Variants in KALRN observed in about 807,000 individuals in gnomAD.
KALRN encodes kalirin.
Under a neutral mutation model 353.7 loss-of-function variants are expected in KALRN, and 70 were observed. The ratio of observed to expected loss-of-function variants is 0.20; its 90% CI spans 0.16 to 0.24. The LOEUF (loss-of-function observed/expected upper bound fraction) is 0.24. Among genes scored for constraint, KALRN ranks in the 10% least tolerant of loss-of-function variants. KALRN has a pLI of 1.00. For missense variants in KALRN, 2,791 were observed against 3,756.7 expected, an observed-to-expected ratio of 0.74 and a Z score of 6.72; for synonymous variants, 1,391 against 1,434.8, an observed-to-expected ratio of 0.97 and a Z score of 0.69.
intron 6 of KALRN, among the ~76,000 whole-genome samples, chr3:124,300,995 T>C (rs2077223144): frequency 6.6e-6 from 1 of 152,228 alleles, no homozygotes; most frequent in African/African-American, 2.4e-5. Flanking sequence ...TTTGTGTGCC[T>C]TGTGGATTTT....
chr3:124,440,141 G>C (rs752439232), intron 18 of KALRN, among the ~76,000 whole-genome samples: 7 of 151,954 alleles, frequency 4.6e-5, no homozygotes, highest in Admixed American at 2.0e-4. Flanking sequence ...GCTCTTACTA[G>C]TAAGACTAAA....
At chr3:124,220,243 G>A (rs780628240) in intron 1 of KALRN, among the ~76,000 whole-genome samples, 4 of 152,226 alleles carry the variant, frequency 2.6e-5, no homozygotes, top group South Asian at 2.1e-4. Flanking sequence ...GAGACCGGCC[G>A]GTGGTAGCTG....
At chr3:124,257,483 G>A (rs1867525) in intron 3 of KALRN, among the ~76,000 whole-genome samples, 128,541 of 152,298 alleles carry the variant, frequency 0.84, 55,377 homozygotes, top group East Asian at 0.97. Flanking sequence ...AAGTGAAAAC[G>A]GCCCCAGTGG....
At chr3:124,244,817 A>G (rs1178346239) in intron 3 of KALRN, among the ~76,000 whole-genome samples, 1 of 152,024 alleles carries the variant, frequency 6.6e-6, no homozygotes, top group African/African-American at 2.4e-5. Context: ...TGTAGCAATC[A>G]TGGGCTTTTT....
intron 43 of KALRN, among the ~76,000 whole-genome samples, chr3:124,660,679 T>G (rs1284396647): frequency 2.4e-5 from 1 of 41,392 alleles, no homozygotes; most frequent in East Asian, 6.1e-4. Context: ...AGACTATGTC[T>G]CAAAAAAAAA....
chr3:124,430,274 A>G (rs2093210643), intron 15 of KALRN, among the ~76,000 whole-genome samples: 1 of 152,170 alleles, frequency 6.6e-6, no homozygotes, highest in Admixed American at 6.5e-5. Context: ...TGTTATTTGA[A>G]CTGGACCTTA....
At chr3:124,488,154 G>A (rs1415204156) in intron 28 of KALRN, 50 bp from the exon 29 acceptor site, 1 of 1,123,856 alleles carries the variant, frequency 8.9e-7, no homozygotes, top group Non-Finnish European at 1.3e-6. Context: ...GGTGGTGGGA[G>A]GAAGCTGGGG....
At chr3:124,140,204 A>G (rs909623108) in intron 1 of KALRN, among the ~76,000 whole-genome samples, 2 of 152,164 alleles carry the variant, frequency 1.3e-5, no homozygotes, top group Non-Finnish European at 2.9e-5. Context: ...CCTCCTCTCC[A>G]AAGCATTAAA....
intron 57 of KALRN, among the ~76,000 whole-genome samples, chr3:124,703,002 G>T (rs1437362605): frequency 6.6e-6 from 1 of 152,080 alleles, no homozygotes; most frequent in Non-Finnish European, 1.5e-5. Context: ...AGGGAATGTA[G>T]GTAGATCTTA....
intron 6 of KALRN, among the ~76,000 whole-genome samples, chr3:124,321,390 C>G (rs953744762): frequency 3.9e-5 from 6 of 152,316 alleles, no homozygotes; most frequent in African/African-American, 1.4e-4. Context: ...CAGTATACCA[C>G]ATAAGAAATC....
intron 1 of KALRN, among the ~76,000 whole-genome samples, chr3:124,141,844 TTCCTATTAAA>T (rs1560062128): frequency 6.6e-6 from 1 of 152,148 alleles, no homozygotes; most frequent in Non-Finnish European, 1.5e-5. Flanking sequence ...GCACCCCTTT[TTCCTATTAAA>T]TCTCAGCATC....
intron 33 of KALRN, among the ~76,000 whole-genome samples, chr3:124,559,024 T>C (rs1044989850): frequency 1.3e-5 from 2 of 152,264 alleles, no homozygotes; most frequent in African/African-American, 2.4e-5. Context: ...ATATTAATCA[T>C]GTAAAAATAG....
intron 1 of KALRN, among the ~76,000 whole-genome samples, chr3:124,118,752 G>A (rs2063698014): frequency 6.6e-6 from 1 of 152,170 alleles, no homozygotes; most frequent in South Asian, 2.1e-4. Flanking sequence ...TTATATACCA[G>A]ATTTGTTCCA....
At chr3:124,311,683 T>C (rs191892610) in intron 6 of KALRN, among the ~76,000 whole-genome samples, 93 of 152,298 alleles carry the variant, frequency 6.1e-4, no homozygotes, top group African/African-American at 1.7e-3. Flanking sequence ...AAAATGTCCA[T>C]ACATTGTACA....
intron 1 of KALRN, among the ~76,000 whole-genome samples, chr3:124,192,506 A>G (rs1468989994): frequency 6.6e-6 from 1 of 152,182 alleles, no homozygotes; most frequent in East Asian, 1.9e-4. Context: ...TCAATTGTAC[A>G]TTTTAAAATA....
chr3:124,451,275 T>C (rs887334183), intron 21 of KALRN, among the ~76,000 whole-genome samples: 1 of 145,480 alleles, frequency 6.9e-6, no homozygotes, highest in African/African-American at 2.6e-5. Flanking sequence ...AAAGAGAGAG[T>C]GGGGAGGGAA....
chr3:124,561,864 T>C (rs992809375), intron 33 of KALRN, among the ~76,000 whole-genome samples: 2 of 152,220 alleles, frequency 1.3e-5, no homozygotes, highest in Non-Finnish European at 1.5e-5. Context: ...AGACTGTACT[T>C]AGTTCTATGA....
intron 1 of KALRN, among the ~76,000 whole-genome samples, chr3:124,186,768 T>A (rs966557765): frequency 6.6e-6 from 1 of 152,212 alleles, no homozygotes; most frequent in African/African-American, 2.4e-5. Context: ...ACAGTCCAAA[T>A]TTCAACCATT....
intron 9 of KALRN, among the ~76,000 whole-genome samples, chr3:124,336,006 A>G (rs746022529): frequency 1.3e-5 from 2 of 152,136 alleles, no homozygotes; most frequent in East Asian, 3.9e-4. Flanking sequence ...TGAAGTGGTC[A>G]GGCAGAGTGG....
Sources: allele counts gnomAD v4.1 joint callset (sites outside exome capture counted in the v4.1 genomes callset), GRCh38; gene constraint gnomAD v4.1.1; transcripts MANE v1.5; gene names NCBI Gene and HGNC (gene_info 2026-07-23, HGNC 2026-07-21).